The following KCNN2 variants were observed in gnomAD, a reference collection of about 807,000 sequenced individuals.
KCNN2 encodes the protein potassium calcium-activated channel subfamily N member 2.
A neutral mutation model predicts 55.5 loss-of-function variants in KCNN2; 24 were observed. That is an observed-to-expected ratio of 0.43 (90% CI 0.31 to 0.61). The LOEUF (loss-of-function observed/expected upper bound fraction) is 0.61. Ranked by LOEUF, KCNN2 falls within the 20% of genes least tolerant of loss-of-function variation. KCNN2 has a pLI of 0.08. For synonymous variants in KCNN2, 431 were observed against 336.1 expected, an observed-to-expected ratio of 1.28 and a Z score of -3.09; for missense variants, 754 against 853.6, an observed-to-expected ratio of 0.88 and a Z score of 1.45.
chr5:114,289,005 A>G (rs1476522920), intron 2 of KCNN2, among the ~76,000 whole-genome samples: 1 of 152,040 alleles, frequency 6.6e-6, no homozygotes, highest in East Asian at 1.9e-4. Flanking sequence ...TCATTGACCC[A>G]TCTTGCGTTA....
chr5:114,222,109 T>C (rs1754151587), intron 2 of KCNN2, among the ~76,000 whole-genome samples: 1 of 152,312 alleles, frequency 6.6e-6, no homozygotes, highest in African/African-American at 2.4e-5. Context: ...AGATAAACAT[T>C]TAATGCTTCA....
intron 5 of KCNN2, chr5:114,486,609 C>T (rs1747552453): frequency 2.0e-6 from 1 of 502,806 alleles, no homozygotes; most frequent in Non-Finnish European, 3.3e-6. Flanking sequence ...TGGAAACATG[C>T]CCTTCCAGTA....
At chr5:114,269,663 A>G (rs1035881279) in intron 2 of KCNN2, among the ~76,000 whole-genome samples, 2 of 152,162 alleles carry the variant, frequency 1.3e-5, no homozygotes, top group African/African-American at 4.8e-5. Context: ...AGGTTCATCT[A>G]TGAACTCCAG....
chr5:114,468,195 T>C (rs1175434417), intron 4 of KCNN2, among the ~76,000 whole-genome samples: 1 of 151,908 alleles, frequency 6.6e-6, no homozygotes, highest in South Asian at 2.1e-4. Context: ...TTGAAACTTA[T>C]TTATTTTCAT....
chr5:114,171,190 T>A (rs923349066), intron 1 of KCNN2, among the ~76,000 whole-genome samples: 4 of 151,986 alleles, frequency 2.6e-5, no homozygotes, highest in African/African-American at 9.7e-5. Context: ...TAAAAGCCAT[T>A]TTTAGGAAGG....
At chr5:114,159,606 G>T (rs955078119) in intron 1 of KCNN2, among the ~76,000 whole-genome samples, 1 of 152,188 alleles carries the variant, frequency 6.6e-6, no homozygotes, top group Non-Finnish European at 1.5e-5. Context: ...ACCTCTGGTA[G>T]AATTCAGCTG....
intron 3 of KCNN2, among the ~76,000 whole-genome samples, chr5:114,413,133 G>A (rs1304652952): frequency 6.6e-6 from 1 of 152,160 alleles, no homozygotes; most frequent in Non-Finnish European, 1.5e-5. Flanking sequence ...TCCTGCATCT[G>A]TGACTTGCAA....
rs537070845 is a variant in KCNN2, at chr5:114,437,055, T to G, written c.1638-25994T>G. ...TGTGTGTGTGTTTGTGTGTGTGTGT[T>G]TGTGTGTGTGTATGCGTGCATGCAT... On this transcript the variant is annotated intron_variant, in intron 3 of 7. Transcript: ENST00000673685. Among the ~76,000 whole-genome samples the G allele has an allele frequency of 3.4e-4, 52 of 151,666 alleles. No individual in the cohort carries two copies. The South Asian group carries it at 6.5e-3, about 19-fold the overall frequency.
chr5:114,247,367 A>G (rs565384609), intron 2 of KCNN2, among the ~76,000 whole-genome samples: 1 of 152,048 alleles, frequency 6.6e-6, no homozygotes, highest in Non-Finnish European at 1.5e-5. Flanking sequence ...ATAAATGTTC[A>G]TGAAGTTTCC....
intron 2 of KCNN2, among the ~76,000 whole-genome samples, chr5:114,317,209 G>A (rs370210181): frequency 6.6e-6 from 1 of 151,954 alleles, no homozygotes. Context: ...GGACTATAGA[G>A]ATTTGGAAGC....
At chr5:114,220,922 A>G (rs1428053333) in intron 1 of KCNN2, among the ~76,000 whole-genome samples, 2 of 152,206 alleles carry the variant, frequency 1.3e-5, no homozygotes, top group African/African-American at 4.8e-5. Flanking sequence ...TGTTCAAATA[A>G]GAAATGTAAC....
chr5:114,221,274 G>A (rs893689996), intron 1 of KCNN2, among the ~76,000 whole-genome samples: 4 of 152,136 alleles, frequency 2.6e-5, no homozygotes, highest in Non-Finnish European at 5.9e-5. Context: ...TCTAGGAATT[G>A]TTTTAAAGAT....
chr5:114,192,221 T>C (rs1753464417), intron 1 of KCNN2, among the ~76,000 whole-genome samples: 2 of 152,158 alleles, frequency 1.3e-5, no homozygotes. Context: ...CGTGTCTACC[T>C]CCTTGAGGGC....
At chr5:114,399,288 G>A (rs762801960) in intron 2 of KCNN2, among the ~76,000 whole-genome samples, 20 of 152,072 alleles carry the variant, frequency 1.3e-4, no homozygotes, top group Admixed American at 7.2e-4. Flanking sequence ...TTTTCTGCAC[G>A]TATTGGTGAG....
At chr5:114,414,971 A>G (rs1001545503) in intron 3 of KCNN2, among the ~76,000 whole-genome samples, 3 of 152,200 alleles carry the variant, frequency 2.0e-5, no homozygotes, top group South Asian at 2.1e-4. Context: ...CCCATTTGCA[A>G]TAAATCCCTG....
chr5:114,080,962 C>A (rs78016165), intron 1 of KCNN2, among the ~76,000 whole-genome samples: 1,662 of 152,022 alleles, frequency 0.011, 46 homozygotes, highest in African/African-American at 0.038. Context: ...ACTGTTAGAA[C>A]TAAAAGGTGA....
At chr5:114,098,918 G>A (rs1017579369) in intron 1 of KCNN2, among the ~76,000 whole-genome samples, 1 of 152,014 alleles carries the variant, frequency 6.6e-6, no homozygotes, top group African/African-American at 2.4e-5. Context: ...CTCACTGTCA[G>A]ACTGGGAACC....
intron 2 of KCNN2, among the ~76,000 whole-genome samples, chr5:114,333,329 G>C (rs1171523820): frequency 6.6e-6 from 1 of 152,096 alleles, no homozygotes; most frequent in East Asian, 1.9e-4. Context: ...CCTTTTGCTT[G>C]TTTATATCTG....
chr5:114,474,886 TTAACAGAAAAAAAAAAAG>T (rs1301671975), intron 5 of KCNN2, among the ~76,000 whole-genome samples: 1 of 151,870 alleles, frequency 6.6e-6, no homozygotes, highest in Non-Finnish European at 1.5e-5. Flanking sequence ...CCTGTAAATC[TTAACAGAAAAAAAAAAAG>T]TGACAGAATC....
Sources: gnomAD v4.1 joint callset for allele counts (sites outside exome capture counted in the v4.1 genomes callset) on GRCh38, gnomAD v4.1.1 for gene constraint, MANE v1.5 for transcripts, NCBI Gene and HGNC (gene_info 2026-07-23, HGNC 2026-07-21) for gene names.